FAM168B: variants seen among roughly 807,000 people sequenced by gnomAD.
FAM168B encodes family with sequence similarity 168 member B.
FAM168B carries 19 observed loss-of-function variants against 21.8 expected under a neutral mutation model. The observed-to-expected ratio is 0.87, with a 90% CI of 0.61 to 1.28. FAM168B has a LOEUF of 1.28. Among genes scored for constraint, FAM168B ranks in the 50% most tolerant of loss-of-function variants. The pLI, the probability that FAM168B is intolerant of heterozygous loss-of-function variation, is 0.00. For synonymous variants in FAM168B, 126 were observed against 104.8 expected (o/e 1.20, Z -1.24); for missense variants, 233 against 263.1 (o/e 0.89, Z 0.79).
rs1470675860 is a variant in FAM168B at position 131,052,054 on chromosome 2, T to G, written c.*411A>C. 2.0e-6 allele frequency: 2 copies of G among 985,686 alleles called. No homozygotes were observed. The highest frequency in any genetic ancestry group is 3.5e-5 in the African/African-American group (2 of 57,262). 61.1% of individuals were successfully genotyped at this position (985,686 alleles called of 1,614,324 possible). A position where few individuals can be genotyped will look rare whatever the true frequency, so the allele number is the denominator to read the frequency against. ...TAAGACTTTGCATACATTACAACAG[T>G]GCATTAGTGATACAAGTTGTAAAAT... On this transcript the variant is annotated 3_prime_UTR_variant, in exon 7 of 7. Transcript: ENST00000389915.
intron 3 of FAM168B, among the ~76,000 whole-genome samples, chr2:131,057,871 C>T (rs1355752184): frequency 6.6e-6 from 1 of 151,698 alleles, no homozygotes; most frequent in African/African-American, 2.4e-5. Flanking sequence ...TGCTCTATTC[C>T]CTAGGCTGGA....
At chr2:131,060,131 T>G (rs941599250) in intron 3 of FAM168B, among the ~76,000 whole-genome samples, 2 of 152,072 alleles carry the variant, frequency 1.3e-5, no homozygotes, top group Non-Finnish European at 2.9e-5. Flanking sequence ...GTTTAAGAGA[T>G]TCTTCTGCCT....
In FAM168B at chr2:131,049,837, G is replaced by C. The variant is rs192491156; in HGVS notation, c.*2628C>G. ...GGACAAATTATGAAGCTTTGTAACA[G>C]AATTTTGACCCAAGTTCTATTTCTT... On this transcript the variant is annotated 3_prime_UTR_variant, in exon 7 of 7. Transcript: ENST00000389915. 1.0e-6 allele frequency: 1 copy of C among 985,822 alleles called. No homozygotes were observed. The highest frequency in any genetic ancestry group is 1.1e-4 in the East Asian group (1 of 8,818). The allele number at this position is 985,822 out of a possible 1,614,324, so 61.1% of individuals were successfully genotyped here. A position where few individuals can be genotyped will look rare whatever the true frequency, so the allele number is the denominator to read the frequency against.
chr2:131,082,642 T>A lies in FAM168B; in HGVS notation c.5A>T (p.Asn2Ile). The change falls in exon 2 of 7, where the codon AAT becomes ATT. Residue 2 changes from asparagine (N) to isoleucine (I), a missense_variant. By Grantham distance (149) the Asn-to-Ile change is moderately radical. Coordinates refer to ENST00000389915, the MANE Select transcript of FAM168B (RefSeq NM_001009993.4). ...AGAAGATCCAGGACTATAAACAGGATTCATGATTTCAAAAACTAAAAGAAA... is the reference window on the plus strand; with the variant it reads ...AGAAGATCCAGGACTATAAACAGGAATCATGATTTCAAAAACTAAAAGAAA... M[N>I]PVYSPGSSGV... The A allele has an allele frequency of 1.3e-6, 2 of 1,599,704 alleles. No homozygotes were observed. Among genetic ancestry groups the A allele is most frequent in the East Asian group, 2.2e-5 (1 of 44,688 alleles).
Position 131,052,028 on chromosome 2 carries a change from G to GT in FAM168B, c.*436dup, listed in dbSNP as rs1691710823. Reference sequence around the variant, plus strand: ...GAAATTCACTTTAACACTTATAACTGTAAGACTTTGCATACATTACAACAG... The same window carrying GT: ...GAAATTCACTTTAACACTTATAACTGTTAAGACTTTGCATACATTACAACAG... On this transcript the variant is annotated 3_prime_UTR_variant, in exon 7 of 7. Transcript: ENST00000389915. The GT allele has an allele frequency of 2.0e-6, 2 of 985,514 alleles. No homozygotes were observed. The highest frequency in any genetic ancestry group is 4.7e-5 in the South Asian group (1 of 21,288). The allele number at this position is 985,514 out of a possible 1,614,324, so 61.0% of individuals were successfully genotyped here.
chr2:131,050,794 A>G lies in FAM168B; in HGVS notation c.*1671T>C. The stretch of plus-strand genomic sequence containing the variant: ...GCGCCAGTGCCCTGACCCAGCTACC[A>G]GCAAATGAAGAGGAGCAGAGCCCCC... On this transcript the variant is annotated 3_prime_UTR_variant, in exon 7 of 7. Coordinates refer to ENST00000389915, the MANE Select transcript of FAM168B (RefSeq NM_001009993.4). 1.0e-6 allele frequency: 1 copy of G among 985,474 alleles called. No homozygotes were observed. The allele number at this position is 985,474 out of a possible 1,614,324, so 61.0% of individuals were successfully genotyped here.
Position 131,073,533 on chromosome 2 carries a change from T to C in FAM168B, c.71-1595A>G, listed in dbSNP as rs542202174. Among the ~76,000 whole-genome samples the C allele has an allele frequency of 2.6e-5, 4 of 152,312 alleles. No individual in the cohort carries two copies. In the South Asian group the frequency reaches 8.3e-4, roughly 32 times the overall value. On this transcript the variant is annotated intron_variant, in intron 2 of 6. Transcript: ENST00000389915. ...CATTTAATAGGTGACGGCTTTATTA[T>C]GAAAGTGGGTTCCTGATAAAAAGGA...
chr2:131,053,149 G>A (rs1424641665), intron 5 of FAM168B, 134 bp from the exon 6 acceptor site: 3 of 1,274,794 alleles, frequency 2.4e-6, no homozygotes, highest in Non-Finnish European at 2.0e-6. Flanking sequence ...CCCAGATACT[G>A]TCAGAACTCT....
In FAM168B at chr2:131,050,937, CCTCA is replaced by C; in HGVS notation, c.*1524_*1527del. 1 of 985,670 alleles carries C rather than the reference CCTCA, an allele frequency of 1.0e-6. No homozygotes were observed. The highest frequency in any genetic ancestry group is 1.2e-6 in the Non-Finnish European group (1 of 830,124). The allele number at this position is 985,670 out of a possible 1,614,324, so 61.1% of individuals were successfully genotyped here. A position where few individuals can be genotyped will look rare whatever the true frequency, so the allele number is the denominator to read the frequency against. The stretch of plus-strand genomic sequence containing the variant: ...TTACATCCCCCACCCCCACTCTGAC[CCTCA>C]CTGAGAACCGACATGCACTCTCATG... On this transcript the variant is annotated 3_prime_UTR_variant, in exon 7 of 7. Coordinates refer to ENST00000389915, the MANE Select transcript of FAM168B (RefSeq NM_001009993.4).
At chr2:131,070,163 T>C (rs1412689502) in intron 3 of FAM168B, among the ~76,000 whole-genome samples, 1 of 152,092 alleles carries the variant, frequency 6.6e-6, no homozygotes, top group African/African-American at 2.4e-5. Flanking sequence ...AGCCTAAACT[T>C]TTAAAACCCC....
At chr2:131,068,030 C>A (rs1692664280) in intron 3 of FAM168B, among the ~76,000 whole-genome samples, 1 of 152,090 alleles carries the variant, frequency 6.6e-6, no homozygotes, top group Admixed American at 6.6e-5. Flanking sequence ...AACCACAAGA[C>A]CCCCATCTCT....
chr2:131,062,707 C>T (rs1379841555), intron 3 of FAM168B, among the ~76,000 whole-genome samples: 1 of 152,218 alleles, frequency 6.6e-6, no homozygotes. Context: ...CTCGGCCTCC[C>T]AAAGTGCTGG....
chr2:131,051,180 C>G lies in FAM168B; in HGVS notation c.*1285G>C. 2.0e-6 allele frequency: 2 copies of G among 985,364 alleles called. No individual in the cohort carries two copies. 61.0% of individuals were successfully genotyped at this position (985,364 alleles called of 1,614,324 possible). ...GATGGCAGGAGAGGCTCGCAGACAA[C>G]AGACACTGGCCTCCCCCTCGCCCCA... is the stretch of plus-strand genomic sequence containing the variant. On this transcript the variant is annotated 3_prime_UTR_variant, in exon 7 of 7. Coordinates refer to ENST00000389915, the MANE Select transcript of FAM168B (RefSeq NM_001009993.4).
intron 1 of FAM168B, among the ~76,000 whole-genome samples, chr2:131,089,067 A>G (rs1693869900): frequency 6.6e-6 from 1 of 151,994 alleles, no homozygotes; most frequent in Non-Finnish European, 1.5e-5. Flanking sequence ...CCCAGGTTCA[A>G]GCGATTCTCC....
intron 3 of FAM168B, among the ~76,000 whole-genome samples, chr2:131,060,108 C>T (rs1692219913): frequency 6.6e-6 from 1 of 152,098 alleles, no homozygotes; most frequent in Non-Finnish European, 1.5e-5. Flanking sequence ...TCACTGCAAC[C>T]TCCACCTCCC....
Position 131,051,624 on chromosome 2 carries a change from CAT to C in FAM168B, c.*839_*840del. The C allele has an allele frequency of 5.1e-6, 5 of 985,070 alleles. No homozygotes were observed. The highest frequency in any genetic ancestry group is 6.0e-6 in the Non-Finnish European group (5 of 829,820). The allele number at this position is 985,070 out of a possible 1,614,324, so 61.0% of individuals were successfully genotyped here. On this transcript the variant is annotated 3_prime_UTR_variant, in exon 7 of 7. Coordinates refer to ENST00000389915, the MANE Select transcript of FAM168B (RefSeq NM_001009993.4). ...TTACATAGGACTTTTCCAATAAAGA[CAT>C]ATAAAAACATCATCTCTCTAAGAGA...
intron 2 of FAM168B, among the ~76,000 whole-genome samples, chr2:131,081,411 A>G (rs1196128677): frequency 6.6e-6 from 1 of 152,184 alleles, no homozygotes; most frequent in East Asian, 1.9e-4. Context: ...CGCTGCTGTC[A>G]GGAGCCCCAG....
rs6430562 is a variant in FAM168B at position 131,090,112 on chromosome 2, G to C, written c.-12+3102C>G. On this transcript the variant is annotated intron_variant, in intron 1 of 6. Coordinates refer to ENST00000389915, the MANE Select transcript of FAM168B (RefSeq NM_001009993.4). ...ACGAGGGCGGATCACGAGGTCAGGA[G>C]ATCGAGACCACAGTGAAACCCCGTC... Among the ~76,000 whole-genome samples, 773 of 135,402 alleles carry C rather than the reference G, an allele frequency of 5.7e-3. 6 individuals are homozygous for C. The highest frequency in any genetic ancestry group is 0.02 in the African/African-American group (715 of 35,446). 88.8% of individuals were successfully genotyped at this position (135,402 alleles called of 152,430 possible). A position where few individuals can be genotyped will look rare whatever the true frequency, so the allele number is the denominator to read the frequency against.
chr2:131,089,260 C>T (rs559090813), intron 1 of FAM168B, among the ~76,000 whole-genome samples: 4 of 151,622 alleles, frequency 2.6e-5, no homozygotes, highest in Admixed American at 6.6e-5. Flanking sequence ...GCCACTGCAC[C>T]GGGCCGAGCT....
Sources: allele counts gnomAD v4.1 joint callset (sites outside exome capture counted in the v4.1 genomes callset), GRCh38; gene constraint gnomAD v4.1.1; transcripts MANE v1.5; gene names NCBI Gene and HGNC (gene_info 2026-07-23, HGNC 2026-07-21).